The following PCDHA8 variants were observed in gnomAD, a reference collection of about 807,000 sequenced individuals.
PCDHA8 encodes the protein protocadherin alpha-8.
In PCDHA8, 53 loss-of-function variants were observed where a neutral mutation model predicts 61.8. The ratio of observed to expected loss-of-function variants is 0.86; its 90% CI spans 0.69 to 1.08. The LOEUF (loss-of-function observed/expected upper bound fraction) is 1.08, where lower values mean the gene tolerates loss of function less well. Among genes scored for constraint, PCDHA8 ranks in the 50% least tolerant of loss-of-function variants. The pLI is 0.00. For missense variants in PCDHA8, 1,293 were observed against 1,245.0 expected, an observed-to-expected ratio of 1.04 and a Z score of -0.58; for synonymous variants, 618 against 556.6, an observed-to-expected ratio of 1.11 and a Z score of -1.55.
At chr5:140,965,442 G>A (rs782186943) in intron 1 of PCDHA8, among the ~76,000 whole-genome samples, 3 of 151,978 alleles carry the variant, frequency 2.0e-5, no homozygotes, top group Non-Finnish European at 4.4e-5. Flanking sequence ...CATTGAAATT[G>A]CTGGTTATTG....
intron 1 of PCDHA8, among the ~76,000 whole-genome samples, chr5:140,920,583 C>T (rs1287573835): frequency 1.3e-5 from 2 of 152,106 alleles, no homozygotes; most frequent in African/African-American, 4.8e-5. Flanking sequence ...CAGTGGCTCA[C>T]GCCTGTAATC....
At chr5:140,978,907 G>A (rs782602741) in intron 1 of PCDHA8, 42 bp from the exon 2 acceptor site, 3 of 1,613,766 alleles carry the variant, frequency 1.9e-6, no homozygotes, top group South Asian at 2.2e-5. Context: ...GGAGAACATT[G>A]TCTTGTCATT....
intron 1 of PCDHA8, among the ~76,000 whole-genome samples, chr5:140,847,056 A>T (rs1554141637): frequency 6.7e-6 from 1 of 149,850 alleles, no homozygotes; most frequent in South Asian, 2.1e-4. Flanking sequence ...GAAGACACAG[A>T]AAGCATCAAT....
At chr5:140,848,899 C>T (rs1223339539) in intron 1 of PCDHA8, 1 of 1,605,974 alleles carries the variant, frequency 6.2e-7, no homozygotes, top group Admixed American at 1.7e-5. Context: ...GTGTTCCCAG[C>T]GACACAAAAG....
At chr5:140,924,697 C>A (rs1443260109) in intron 1 of PCDHA8, among the ~76,000 whole-genome samples, 5 of 151,946 alleles carry the variant, frequency 3.3e-5, no homozygotes, top group Admixed American at 2.6e-4. Context: ...GAGTTCGAGA[C>A]CAGCTTGTGC....
Position 140,883,261 on chromosome 5 carries a change from G to A in PCDHA8, c.2394+39546G>A, listed in dbSNP as rs148578758. The A allele has an allele frequency of 8.1e-5, 131 of 1,613,912 alleles. No individual in the cohort carries two copies. In the African/African-American group the frequency reaches 1.7e-3, roughly 21 times the overall value. On this transcript the variant is annotated intron_variant, in intron 1 of 3. Transcript: ENST00000531613. Reference sequence around the variant, plus strand: ...TTGACAAAGGAAATATTCCAATGGCGGGTCATTGTACCCTTTTGGTGGAAG... The same window carrying A: ...TTGACAAAGGAAATATTCCAATGGCAGGTCATTGTACCCTTTTGGTGGAAG...
intron 1 of PCDHA8, among the ~76,000 whole-genome samples, chr5:140,910,225 T>C (rs1194368347): frequency 6.6e-6 from 1 of 152,232 alleles, no homozygotes; most frequent in Non-Finnish European, 1.5e-5. Flanking sequence ...TTTCTGCTTA[T>C]ATAAATTAAA....
intron 1 of PCDHA8, among the ~76,000 whole-genome samples, chr5:140,969,908 TG>T (rs2096368267): frequency 6.6e-6 from 1 of 152,184 alleles, no homozygotes; most frequent in Non-Finnish European, 1.5e-5. Flanking sequence ...ATGTCACAAG[TG>T]ATAAAGCTGT....
In PCDHA8 at chr5:140,849,592, G is replaced by A. The variant is rs2040979573; in HGVS notation, c.2394+5877G>A. 1.3e-6 allele frequency: 2 copies of A among 1,598,672 alleles called. No individual in the cohort carries two copies. The highest frequency in any genetic ancestry group is 1.7e-6 in the Non-Finnish European group (2 of 1,167,964). On this transcript the variant is annotated intron_variant, in intron 1 of 3. Coordinates refer to ENST00000531613, the MANE Select transcript of PCDHA8 (RefSeq NM_018911.3). Reference sequence around the variant, plus strand: ...CCTGTAAAAGAGGACGCACAACTGGGGACAGTTATTGCCCTGATTAGTGTG... The same window carrying A: ...CCTGTAAAAGAGGACGCACAACTGGAGACAGTTATTGCCCTGATTAGTGTG...
chr5:140,878,027 G>C, intron 1 of PCDHA8: 1 of 699,256 alleles, frequency 1.4e-6, no homozygotes, highest in Non-Finnish European at 2.1e-6. Flanking sequence ...GAAATATGTA[G>C]GTACAATGGA....
intron 3 of PCDHA8, among the ~76,000 whole-genome samples, chr5:140,983,526 A>C (rs1421450953): frequency 6.6e-6 from 1 of 152,230 alleles, no homozygotes; most frequent in African/African-American, 2.4e-5. Context: ...TGCCAAGTAC[A>C]TTGTATGTGT....
In PCDHA8 at chr5:140,842,902, G is replaced by A. The variant is rs2150347537; in HGVS notation, c.1581G>A (p.Glu527=). The A allele has an allele frequency of 2.1e-5, 34 of 1,594,288 alleles. 5 individuals carry two copies. Among genetic ancestry groups the A allele is most frequent in the African/African-American group, 2.7e-5 (2 of 74,330 alleles). Residue 527 remains glutamate, a synonymous_variant, in exon 1 of 4, where the codon GAG becomes GAA. Coordinates refer to ENST00000531613, the MANE Select transcript of PCDHA8 (RefSeq NM_018911.3). The part of the protein sequence containing the change: ...VYALQPLDHE[E]LELLQFQVSA... ...CGCTGCAGCCGCTGGACCACGAGGA[G>A]CTAGAGCTGCTGCAGTTCCAGGTGA...
chr5:140,982,224 A>T, intron 2 of PCDHA8: 1 of 587,320 alleles, frequency 1.7e-6, no homozygotes, highest in South Asian at 3.8e-5. Context: ...TGGCGTTAAT[A>T]AAAAACAGAA....
At chr5:140,857,761 C>T in intron 1 of PCDHA8, 1 of 1,597,214 alleles carries the variant, frequency 6.3e-7, no homozygotes. Flanking sequence ...CCGCTGGCAG[C>T]GCGGGCGGTG....
chr5:140,989,509 T>G (rs1554250840), intron 3 of PCDHA8, among the ~76,000 whole-genome samples: 1 of 152,196 alleles, frequency 6.6e-6, no homozygotes, highest in African/African-American at 2.4e-5. Context: ...GCTTATAACC[T>G]GAGTTGAGGG....
Position 140,870,925 on chromosome 5 carries a change from T to C in PCDHA8, c.2394+27210T>C, listed in dbSNP as rs1554164841. 8 of 1,613,916 alleles carry C rather than the reference T, an allele frequency of 5.0e-6. No homozygotes were observed. In the Admixed American group the frequency reaches 8.3e-5, roughly 17 times the overall value. On this transcript the variant is annotated intron_variant, in intron 1 of 3. Transcript: ENST00000531613. Reference sequence around the variant, plus strand: ...CTCAGGCTACAACGCGTGGCTTTCATATGAATTGCAGCCGGCGGCGGGCGG... The same window carrying C: ...CTCAGGCTACAACGCGTGGCTTTCACATGAATTGCAGCCGGCGGCGGGCGG...
At chr5:140,953,530 C>T (rs923959885) in intron 1 of PCDHA8, among the ~76,000 whole-genome samples, 3 of 152,158 alleles carry the variant, frequency 2.0e-5, no homozygotes, top group Admixed American at 6.5e-5. Context: ...ACGGGAAACT[C>T]ACTTCATGCT....
intron 1 of PCDHA8, chr5:140,856,661 C>T: frequency 6.3e-7 from 1 of 1,598,066 alleles, no homozygotes; most frequent in South Asian, 1.1e-5. Flanking sequence ...TGAAGAAAAT[C>T]CTCAGCTAAA....
intron 3 of PCDHA8, among the ~76,000 whole-genome samples, chr5:140,984,356 A>G (rs556586072): frequency 1.3e-5 from 2 of 152,362 alleles, no homozygotes; most frequent in African/African-American, 4.8e-5. Flanking sequence ...GATATTTCAT[A>G]CATCTGGCCA....
Sources: allele counts gnomAD v4.1 joint callset (sites outside exome capture counted in the v4.1 genomes callset), GRCh38; gene constraint gnomAD v4.1.1; transcripts MANE v1.5; gene names NCBI Gene and HGNC (gene_info 2026-07-23, HGNC 2026-07-21).